Variants in PDE1B observed in about 807,000 individuals in gnomAD.
PDE1B encodes the protein dual specificity calcium/calmodulin-dependent 3',5'-cyclic nucleotide phosphodiesterase 1B.
PDE1B carries 13 observed loss-of-function variants against 66.7 expected under a neutral mutation model. The ratio of observed to expected loss-of-function variants is 0.19; its 90% CI spans 0.13 to 0.31. The LOEUF (loss-of-function observed/expected upper bound fraction) is 0.31. Ranked by LOEUF, PDE1B falls within the 10% of genes least tolerant of loss-of-function variation. The pLI is 1.00. For synonymous variants in PDE1B, 230 were observed against 253.9 expected, an observed-to-expected ratio of 0.91 and a Z score of 0.90; for missense variants, 485 against 682.3, an observed-to-expected ratio of 0.71 and a Z score of 3.22.
intron 3 of PDE1B, among the ~76,000 whole-genome samples, chr12:54,568,660 G>A (rs922569036): frequency 1.3e-5 from 2 of 152,144 alleles, no homozygotes; most frequent in Non-Finnish European, 2.9e-5. Context: ...GCCTGGCGTG[G>A]TGGTAGGCAC....
At chr12:54,577,061 A>G in intron 14 of PDE1B, 164 bp from the exon 15 acceptor site, 1 of 673,600 alleles carries the variant, frequency 1.5e-6, no homozygotes. Context: ...TCTGAGTTTT[A>G]GCAAGGCTGG....
At position 54,577,360 on chromosome 12, in the gene PDE1B, G is replaced by A. The variant is rs1350693167; in HGVS notation, c.*17+15G>A. On this transcript the variant is annotated intron_variant, in intron 15 of 15. Transcript: ENST00000243052. ...GGCTGGCCCAGGTGAGCCTGTTGTG[G>A]TGGAGGGTGTAGGAGAGCTGGTGTC... 3 of 1,613,176 alleles carry A rather than the reference G, an allele frequency of 1.9e-6. No homozygotes were observed. The highest frequency in any genetic ancestry group is 1.3e-5 in the African/African-American group (1 of 74,916).
intron 2 of PDE1B, among the ~76,000 whole-genome samples, chr12:54,565,326 A>G (rs972050798): frequency 3.3e-5 from 5 of 152,182 alleles, no homozygotes; most frequent in Non-Finnish European, 7.3e-5. Flanking sequence ...GTCCCTGGCT[A>G]TGGGGACTGA....
In PDE1B at chr12:54,577,228, T is replaced by A. The variant is rs183676395; in HGVS notation, c.1511T>A (p.Ile504Asn). The change falls in exon 15 of 16, where the codon ATC becomes AAC. Residue 504 changes from isoleucine (I) to asparagine (N), a missense_variant. By Grantham distance (149) the Ile-to-Asn change is moderately radical. Transcript: ENST00000243052. ...CCTCCTTTATGCTCCTCTACAGGCA[T>A]CACCAACCAGATGTCCATTGACGAG... ...QKWKERAASG[I>N]TNQMSIDELS... is the part of the protein sequence containing the mutation. 52 of 1,613,676 alleles carry A rather than the reference T, an allele frequency of 3.2e-5. 1 individual carries two copies. In the Admixed American group the frequency reaches 5.3e-4, roughly 17 times the overall value.
intron 2 of PDE1B, among the ~76,000 whole-genome samples, chr12:54,558,483 A>G (rs1201271312): frequency 6.6e-6 from 1 of 152,170 alleles, no homozygotes; most frequent in Non-Finnish European, 1.5e-5. Context: ...CCCCCGCCAC[A>G]ATGCCCAGCC....
Position 54,577,226 on chromosome 12 carries a change from C to T in PDE1B, c.1509C>T (p.Gly503=). The T allele has an allele frequency of 1.2e-6, 2 of 1,613,092 alleles. No individual in the cohort carries two copies. The highest frequency in any genetic ancestry group is 1.7e-6 in the Non-Finnish European group (2 of 1,179,208). ...KQKWKERAAS[G]ITNQMSIDEL... is the part of the protein sequence containing the mutation. Reference sequence around the variant, plus strand: ...AGCCTCCTTTATGCTCCTCTACAGGCATCACCAACCAGATGTCCATTGACG... The same window carrying T: ...AGCCTCCTTTATGCTCCTCTACAGGTATCACCAACCAGATGTCCATTGACG... Residue 503 remains glycine, a splice_region_variant and synonymous_variant, in exon 15 of 16, where the codon GGC becomes GGT. Transcript: ENST00000243052.
rs1209542221 is a variant in PDE1B at position 54,573,592 on chromosome 12, T to G, written c.963-16T>G. ...CGCTGAGGGGACTGATTGCTTCTCT[T>G]TTTATGTCCGCTCAGAGAACTCCGA... is the stretch of plus-strand genomic sequence containing the variant. On this transcript the variant is annotated splice_polypyrimidine_tract_variant and intron_variant, in intron 9 of 15. Coordinates refer to ENST00000243052, the MANE Select transcript of PDE1B (RefSeq NM_000924.4). The surrounding 1 kb of genome is among the most constrained non-coding windows in gnomAD (Gnocchi z 5.2). 6.2e-7 allele frequency: 1 copy of G among 1,613,150 alleles called. No individual in the cohort carries two copies. Among genetic ancestry groups the G allele is most frequent in the Admixed American group, 1.7e-5 (1 of 60,026 alleles).
intron 14 of PDE1B, 155 bp from the exon 15 acceptor site, chr12:54,577,070 G>A: frequency 2.9e-6 from 2 of 697,222 alleles, no homozygotes; most frequent in Non-Finnish European, 4.9e-6. Context: ...TAGCAAGGCT[G>A]GAGAGGCTCT....
At chr12:54,556,346 A>G (rs1957341736) in intron 2 of PDE1B, among the ~76,000 whole-genome samples, 1 of 152,116 alleles carries the variant, frequency 6.6e-6, no homozygotes, top group Non-Finnish European at 1.5e-5. Context: ...AGGGGCATAG[A>G]TGGGAATTGA....
intron 10 of PDE1B, chr12:54,574,021 T>C (rs1957678620): frequency 2.9e-6 from 1 of 349,336 alleles, no homozygotes; most frequent in Non-Finnish European, 5.3e-6. Context: ...TACTCTGGAA[T>C]GTTGGAAAAT....
chr12:54,571,344 T>G (rs1434469675), intron 6 of PDE1B: 1 of 152,254 alleles, frequency 6.6e-6, no homozygotes, highest in Non-Finnish European at 1.5e-5. Flanking sequence ...TGTTCTGCAA[T>G]TTTACTTTCT....
intron 2 of PDE1B, among the ~76,000 whole-genome samples, chr12:54,553,108 C>A (rs1427456305): frequency 6.6e-6 from 1 of 152,210 alleles, no homozygotes; most frequent in Non-Finnish European, 1.5e-5. Context: ...AGCTTGTAAC[C>A]TGCTTCAACT....
intron 2 of PDE1B, among the ~76,000 whole-genome samples, chr12:54,552,598 G>A (rs1221979693): frequency 6.6e-6 from 1 of 152,110 alleles, no homozygotes; most frequent in Admixed American, 6.5e-5. Flanking sequence ...ATTTTTTGTT[G>A]GGAAGAGCAT....
At chr12:54,561,652 TGAG>T (rs1279997624) in intron 2 of PDE1B, 1 of 1,526,620 alleles carries the variant, frequency 6.6e-7, no homozygotes, top group Non-Finnish European at 8.8e-7. Context: ...GTGCCAGGGA[TGAG>T]AAGAGGAAGG....
At chr12:54,551,621 A>T (rs1417907948) in intron 2 of PDE1B, among the ~76,000 whole-genome samples, 1 of 152,206 alleles carries the variant, frequency 6.6e-6, no homozygotes, top group Non-Finnish European at 1.5e-5. Flanking sequence ...CATCATACTT[A>T]CCTTGCCTGT....
In PDE1B at chr12:54,569,117, TA is replaced by T. The variant is rs746216290; in HGVS notation, c.228-66del. ...TTACTAAATGTGGGGTATGGCTGGG[TA>T]CAGGGTCTCTAGGCTGTGGAAGCAC... On this transcript the variant is annotated intron_variant, in intron 3 of 15. Transcript: ENST00000243052. The surrounding 1 kb of genome is among the most constrained non-coding windows in gnomAD (Gnocchi z 4.4). The T allele has an allele frequency of 6.6e-7, 1 of 1,524,440 alleles. No individual in the cohort carries two copies. The highest frequency in any genetic ancestry group is 8.8e-7 in the Non-Finnish European group (1 of 1,133,514). The allele number at this position is 1,524,440 out of a possible 1,614,324, so 94.4% of individuals were successfully genotyped here.
At chr12:54,556,743 T>C (rs1957346585) in intron 2 of PDE1B, among the ~76,000 whole-genome samples, 2 of 152,026 alleles carry the variant, frequency 1.3e-5, no homozygotes, top group Admixed American at 6.6e-5. Flanking sequence ...GACTTCCAGG[T>C]CAGTTGATTC....
At chr12:54,562,495 G>T (rs1957435142) in intron 2 of PDE1B, among the ~76,000 whole-genome samples, 1 of 152,216 alleles carries the variant, frequency 6.6e-6, no homozygotes, top group Admixed American at 6.5e-5. Flanking sequence ...ACTGGACGGG[G>T]TTGAGCATCC....
At position 54,569,650 on chromosome 12, in the gene PDE1B, G is replaced by C; in HGVS notation, c.477+38G>C. 1 of 1,425,564 alleles carries C rather than the reference G, an allele frequency of 7.0e-7. No individual in the cohort carries two copies. Among genetic ancestry groups the C allele is most frequent in the Non-Finnish European group, 9.9e-7 (1 of 1,008,084 alleles). 88.3% of individuals were successfully genotyped at this position (1,425,564 alleles called of 1,614,324 possible). A position where few individuals can be genotyped will look rare whatever the true frequency, so the allele number is the denominator to read the frequency against. ...TTTTTGGGAAAGAGGAGAAAGTTAG[G>C]GGATGGAATAGCCACTGGGACTTCT... On this transcript the variant is annotated intron_variant, in intron 5 of 15. Coordinates refer to ENST00000243052, the MANE Select transcript of PDE1B (RefSeq NM_000924.4). This position sits in a 1 kb window ranked among gnomAD's most constrained non-coding sequence, Gnocchi z 4.4.
Sources: gnomAD v4.1 joint callset for allele counts (sites outside exome capture counted in the v4.1 genomes callset) on GRCh38, gnomAD v4.1.1 for gene constraint, Gnocchi (gnomAD v3.1) non-coding constraint, MANE v1.5 for transcripts, NCBI Gene and HGNC (gene_info 2026-07-23, HGNC 2026-07-21) for gene names.